Variants in CTNNBL1 observed in about 807,000 individuals in gnomAD.
The protein encoded by CTNNBL1 is beta-catenin-like protein 1.
CTNNBL1 carries 31 observed loss-of-function variants against 72.7 expected under a neutral mutation model. The observed-to-expected ratio is 0.43, with a 90% CI of 0.32 to 0.58. The LOEUF (loss-of-function observed/expected upper bound fraction) is 0.58. Ranked by LOEUF, CTNNBL1 falls within the 20% of genes least tolerant of loss-of-function variation. The pLI is 0.08. For missense variants in CTNNBL1, 534 were observed against 725.1 expected (o/e 0.74, Z 3.03); for synonymous variants, 240 against 267.3 (o/e 0.90, Z 1.00).
At chr20:37,856,107 G>T (rs1426365219) in intron 13 of CTNNBL1, among the ~76,000 whole-genome samples, 3 of 151,280 alleles carry the variant, frequency 2.0e-5, no homozygotes, top group African/African-American at 7.3e-5. Flanking sequence ...TGTGGTGGCA[G>T]GCACCTGTAA....
At chr20:37,796,997 C>T (rs1167996043) in intron 10 of CTNNBL1, among the ~76,000 whole-genome samples, 2 of 152,144 alleles carry the variant, frequency 1.3e-5, no homozygotes, top group African/African-American at 2.4e-5. Context: ...GTGTTGGAGC[C>T]GGCTCATGTA....
intron 13 of CTNNBL1, among the ~76,000 whole-genome samples, chr20:37,844,055 A>G (rs1286264388): frequency 6.6e-6 from 1 of 152,216 alleles, no homozygotes; most frequent in Non-Finnish European, 1.5e-5. Flanking sequence ...TTGGACGTGA[A>G]GGACACTCAG....
At chr20:37,846,310 G>C (rs1000395446) in intron 13 of CTNNBL1, among the ~76,000 whole-genome samples, 1 of 152,106 alleles carries the variant, frequency 6.6e-6, no homozygotes, top group African/African-American at 2.4e-5. Context: ...AGTGAAGGGG[G>C]AGAGAAGAGG....
intron 11 of CTNNBL1, among the ~76,000 whole-genome samples, chr20:37,829,563 T>G (rs2072189921): frequency 6.6e-6 from 1 of 152,176 alleles, no homozygotes; most frequent in Admixed American, 6.5e-5. Context: ...ACCTCATTAC[T>G]TTTCATCCTT....
At chr20:37,871,381 G>C (rs1251808153) in intron 15 of CTNNBL1, among the ~76,000 whole-genome samples, 1 of 152,112 alleles carries the variant, frequency 6.6e-6, no homozygotes, top group African/African-American at 2.4e-5. Flanking sequence ...TTCTGGAGGC[G>C]GGGGGTCCAA....
chr20:37,742,498 CTG>C (rs2073225840), intron 3 of CTNNBL1, among the ~76,000 whole-genome samples: 1 of 152,168 alleles, frequency 6.6e-6, no homozygotes, highest in African/African-American at 2.4e-5. Flanking sequence ...CCTTATGAAA[CTG>C]TATCTCTCCC....
At chr20:37,721,023 C>G (rs2073036250) in intron 1 of CTNNBL1, among the ~76,000 whole-genome samples, 1 of 152,188 alleles carries the variant, frequency 6.6e-6, no homozygotes, top group Non-Finnish European at 1.5e-5. Context: ...CTGAGTAGCA[C>G]TTCTCTAGCT....
In CTNNBL1 at chr20:37,743,980, GA is replaced by G. The variant is rs554861879; in HGVS notation, c.327-2479del. On this transcript the variant is annotated intron_variant, in intron 3 of 15. Coordinates refer to ENST00000361383, the MANE Select transcript of CTNNBL1 (RefSeq NM_030877.5). ...CTTTTTAAAACCTTTATGTCAAAAGGAAAAAAAAACCTTTATGTCAAAAAGC... is the reference window on the plus strand; with the variant it reads ...CTTTTTAAAACCTTTATGTCAAAAGGAAAAAAAACCTTTATGTCAAAAAGC... 4.7e-5 allele frequency among the ~76,000 whole-genome samples: 7 copies of G among 149,138 alleles called. No individual in the cohort carries two copies. In the South Asian group the frequency reaches 8.5e-4, roughly 18 times the overall value.
At position 37,746,598 on chromosome 20, in the gene CTNNBL1, G is replaced by T; in HGVS notation, c.457G>T (p.Asp153Tyr). Reference protein sequence around the residue: ...VQSLLGLLGHDNTDVSIAVVD... With the variant: ...VQSLLGLLGHYNTDVSIAVVD... ...GTCGCTTCTCGGCTTGCTCGGACAC[G>T]ATAATACAGATATCCTTTCAGATCT... The change falls in exon 4 of 16, where the codon GAT becomes TAT. Residue 153 changes from aspartate to tyrosine, a missense_variant. Physicochemically the swap from Asp to Tyr is radical, Grantham distance 160. Coordinates refer to ENST00000361383, the MANE Select transcript of CTNNBL1 (RefSeq NM_030877.5). 2 of 1,613,828 alleles carry T rather than the reference G, an allele frequency of 1.2e-6. No individual in the cohort carries two copies. The highest frequency in any genetic ancestry group is 1.7e-6 in the Non-Finnish European group (2 of 1,179,856).
intron 11 of CTNNBL1, among the ~76,000 whole-genome samples, chr20:37,830,082 C>T (rs2072194587): frequency 6.6e-6 from 1 of 152,144 alleles, no homozygotes; most frequent in South Asian, 2.1e-4. Flanking sequence ...ATCTAACCAG[C>T]CTTGACCTCC....
At chr20:37,870,669 C>G (rs1264949103) in intron 15 of CTNNBL1, among the ~76,000 whole-genome samples, 6 of 152,108 alleles carry the variant, frequency 3.9e-5, no homozygotes. Flanking sequence ...CCATGGTGTC[C>G]CCCACACAGC....
At chr20:37,732,182 T>G (rs1253663100) in intron 1 of CTNNBL1, among the ~76,000 whole-genome samples, 1 of 152,254 alleles carries the variant, frequency 6.6e-6, no homozygotes, top group Non-Finnish European at 1.5e-5. Flanking sequence ...ATTTTTTTCA[T>G]ATATCTTCTG....
chr20:37,838,899 A>G (rs1380938231), intron 11 of CTNNBL1, among the ~76,000 whole-genome samples: 1 of 152,136 alleles, frequency 6.6e-6, no homozygotes, highest in East Asian at 1.9e-4. Context: ...AATTAAGGAA[A>G]AAAAGTTGAT....
chr20:37,760,342 C>A lies in CTNNBL1; in HGVS notation c.564+2686C>A, dbSNP rs573596726. Among the ~76,000 whole-genome samples the A allele has an allele frequency of 1.4e-3, 215 of 152,312 alleles. 2 individuals are homozygous for A. The highest frequency in any genetic ancestry group is 5.1e-3 in the African/African-American group (211 of 41,564). ...TGCTAGGTAGTCCCATGCCTTCGCT[C>A]ATGCTTTGCCTTCCACTTGCCTAGC... On this transcript the variant is annotated intron_variant, in intron 5 of 15. Coordinates refer to ENST00000361383, the MANE Select transcript of CTNNBL1 (RefSeq NM_030877.5).
chr20:37,844,528 A>G (rs2072331122), intron 13 of CTNNBL1, among the ~76,000 whole-genome samples: 1 of 152,196 alleles, frequency 6.6e-6, no homozygotes, highest in Admixed American at 6.5e-5. Flanking sequence ...TAGAAAAGGT[A>G]ATCTTGCCAC....
At position 37,746,867 on chromosome 20, in the gene CTNNBL1, A is replaced by G. The variant is rs571623234; in HGVS notation, c.466+260A>G. Among the ~76,000 whole-genome samples, 8 of 152,388 alleles carry G rather than the reference A, an allele frequency of 5.2e-5. No homozygotes were observed. In the East Asian group the frequency reaches 1.3e-3, roughly 26 times the overall value. On this transcript the variant is annotated intron_variant, in intron 4 of 15. Coordinates refer to ENST00000361383, the MANE Select transcript of CTNNBL1 (RefSeq NM_030877.5). Reference sequence around the variant, plus strand: ...TATTAGTACTAGAATTCATCGTGATATATCTGTTCATACATTAACAGCTTT... The same window carrying G: ...TATTAGTACTAGAATTCATCGTGATGTATCTGTTCATACATTAACAGCTTT...
chr20:37,869,544 T>A (rs2072565609), intron 15 of CTNNBL1, among the ~76,000 whole-genome samples: 2 of 152,352 alleles, frequency 1.3e-5, no homozygotes, highest in South Asian at 4.1e-4. Flanking sequence ...CGAAAGCCCC[T>A]GCCTTCATGC....
intron 1 of CTNNBL1, among the ~76,000 whole-genome samples, chr20:37,731,300 A>T (rs949034577): frequency 2.0e-5 from 3 of 151,658 alleles, no homozygotes; most frequent in Non-Finnish European, 4.4e-5. Context: ...CAATGGCACG[A>T]TCTCGGCTCA....
intron 1 of CTNNBL1, among the ~76,000 whole-genome samples, chr20:37,729,025 T>TC (rs1376352938): frequency 1.3e-5 from 2 of 152,226 alleles, no homozygotes; most frequent in Admixed American, 6.5e-5. Flanking sequence ...GGCAGCTGAT[T>TC]ACTTGAAGAC....
Sources: allele counts gnomAD v4.1 joint callset (sites outside exome capture counted in the v4.1 genomes callset), GRCh38; gene constraint gnomAD v4.1.1; transcripts MANE v1.5; gene names NCBI Gene and HGNC (gene_info 2026-07-23, HGNC 2026-07-21).